RIC3: variants seen among roughly 807,000 people sequenced by gnomAD.
The protein encoded by RIC3 is protein RIC-3.
In RIC3, 28 loss-of-function variants were observed where a neutral mutation model predicts 27.3. That is an observed-to-expected ratio of 1.02 (90% CI 0.76 to 1.41). The LOEUF is 1.41. RIC3 is among the 40% of genes most tolerant of loss of function. RIC3 has a pLI of 0.00. For missense variants in RIC3, 501 were observed against 444.7 expected (o/e 1.13, Z -1.14); for synonymous variants, 184 against 160.4 (o/e 1.15, Z -1.11).
chr11:8,168,733 C>A, intron 1 of RIC3, 133 bp downstream of exon 1: 1 of 1,329,158 alleles, frequency 7.5e-7, no homozygotes, highest in Admixed American at 2.9e-5. Flanking sequence ...AACGCCGTCT[C>A]GCCCGCCCTC....
chr11:8,097,705 C>T, the RIC3 span: 4 of 1,608,242 alleles, frequency 2.5e-6, no homozygotes, highest in African/African-American at 2.7e-5. Flanking sequence ...CCTCATTCCA[C>T]TCCCCAAGGT....
In RIC3 at chr11:8,139,556, T is replaced by A. The variant is rs147324196; in HGVS notation, c.351+411A>T. The A allele has an allele frequency of 1.8e-4, 32 of 173,090 alleles. No homozygotes were observed. In the East Asian group the frequency reaches 5.2e-3, roughly 28 times the overall value. The allele number at this position is 173,090 out of a possible 1,614,324, so 10.7% of individuals were successfully genotyped here. On this transcript the variant is annotated intron_variant, in intron 2 of 5. Transcript: ENST00000309737. Reference sequence around the variant, plus strand: ...CATTATTTGGCCTTACAATGGCTATTTGGAAATCACTGTGCCAATCCCAAT... The same window carrying A: ...CATTATTTGGCCTTACAATGGCTATATGGAAATCACTGTGCCAATCCCAAT...
At chr11:8,101,808 T>A, downstream of RIC3, 1 of 961,676 alleles carries the variant, frequency 1.0e-6, no homozygotes, top group Non-Finnish European at 1.5e-6. Context: ...AGGGGAGTAG[T>A]GGAGAGCGGG....
At chr11:8,097,801 G>C in the RIC3 span, 12 of 1,613,878 alleles carry the variant, frequency 7.4e-6, no homozygotes, top group Non-Finnish European at 1.0e-5. Flanking sequence ...GTCTCGAGGA[G>C]GGGACAGCTA....
At chr11:8,096,593 C>A in the RIC3 span, 1 of 841,424 alleles carries the variant, frequency 1.2e-6, no homozygotes, top group South Asian at 1.4e-5. Context: ...ACAGGTGAGT[C>A]AGTGTCTGAA....
At chr11:8,102,338 C>G (rs925278985), downstream of RIC3, 1 of 152,194 alleles carries the variant, frequency 6.6e-6, no homozygotes, top group African/African-American at 2.4e-5. Context: ...AGGAACCCAG[C>G]TCTCAGGGCT....
In RIC3 at chr11:8,138,350, G is replaced by A; in HGVS notation, c.352-3C>T. Reference sequence around the variant, plus strand: ...GCAGTTGTTTTCCCCTTTGAGAGCTGAGAATTGAAGGAGGTATAGCACATC... The same window carrying A: ...GCAGTTGTTTTCCCCTTTGAGAGCTAAGAATTGAAGGAGGTATAGCACATC... On this transcript the variant is annotated splice_region_variant and splice_polypyrimidine_tract_variant and intron_variant, in intron 2 of 5. Coordinates refer to ENST00000309737, the MANE Select transcript of RIC3 (RefSeq NM_001206671.4). 2 of 1,601,512 alleles carry A rather than the reference G, an allele frequency of 1.2e-6. No individual in the cohort carries two copies. Among genetic ancestry groups the A allele is most frequent in the Non-Finnish European group, 1.7e-6 (2 of 1,168,886 alleles).
chr11:8,093,207 G>C, the RIC3 span, among the ~76,000 whole-genome samples: 1 of 151,982 alleles, frequency 6.6e-6, no homozygotes, highest in Non-Finnish European at 1.5e-5. Flanking sequence ...TGACATCCAA[G>C]CTGAAATCTG....
intron 1 of RIC3, among the ~76,000 whole-genome samples, chr11:8,147,475 G>A (rs1424747321): frequency 1.3e-5 from 2 of 152,174 alleles, no homozygotes; most frequent in African/African-American, 4.8e-5. Flanking sequence ...TGGGTGGAAA[G>A]GAGATTCTCT....
At chr11:8,150,154 C>A (rs952602860) in intron 1 of RIC3, among the ~76,000 whole-genome samples, 2 of 152,182 alleles carry the variant, frequency 1.3e-5, no homozygotes, top group Non-Finnish European at 2.9e-5. Context: ...TTCCTGTTCC[C>A]TTTGCCCATC....
the RIC3 span, among the ~76,000 whole-genome samples, chr11:8,093,481 GA>G: frequency 6.6e-6 from 1 of 152,170 alleles, no homozygotes; most frequent in Admixed American, 6.5e-5. Context: ...GCAGTATGGA[GA>G]ATTTGGAGGC....
the RIC3 span, chr11:8,094,252 G>A: frequency 1.3e-6 from 2 of 1,523,514 alleles, no homozygotes; most frequent in Non-Finnish European, 1.8e-6. Flanking sequence ...GGCTGGGGAA[G>A]GTTTGTCCTC....
chr11:8,109,937 G>A lies in RIC3; in HGVS notation c.*761C>T, dbSNP rs996229342. ...AAAGTCTCTATCTAAAGCTTCCTCT[G>A]TCCACTGAAAACCAGGAGTGCAAAG... On this transcript the variant is annotated 3_prime_UTR_variant, in exon 6 of 6. Coordinates refer to ENST00000309737, the MANE Select transcript of RIC3 (RefSeq NM_001206671.4). 1.3e-5 allele frequency: 2 copies of A among 152,670 alleles called. No homozygotes were observed. Among genetic ancestry groups the A allele is most frequent in the Non-Finnish European group, 2.9e-5 (2 of 68,468 alleles). 9.5% of individuals were successfully genotyped at this position (152,670 alleles called of 1,614,324 possible). A position where few individuals can be genotyped will look rare whatever the true frequency, so the allele number is the denominator to read the frequency against.
the RIC3 span, among the ~76,000 whole-genome samples, chr11:8,094,555 T>G: frequency 6.6e-5 from 10 of 152,214 alleles, no homozygotes; most frequent in Non-Finnish European, 1.3e-4. Context: ...GGCTGACTGC[T>G]TCCCAGGCAG....
intron 1 of RIC3, among the ~76,000 whole-genome samples, chr11:8,158,875 G>C (rs1950922380): frequency 7.3e-6 from 1 of 137,488 alleles, no homozygotes; most frequent in Non-Finnish European, 1.6e-5. Flanking sequence ...TGGGATTACA[G>C]GCATCTGCCA....
At chr11:8,128,956 G>A (rs377504391) in intron 4 of RIC3, among the ~76,000 whole-genome samples, 31 of 151,620 alleles carry the variant, frequency 2.0e-4, no homozygotes, top group East Asian at 1.9e-3. Flanking sequence ...GGGTTTCACC[G>A]TGTTAGCCAG....
intron 1 of RIC3, among the ~76,000 whole-genome samples, chr11:8,154,589 T>C (rs1354241142): frequency 6.6e-6 from 1 of 152,228 alleles, no homozygotes; most frequent in Admixed American, 6.5e-5. Flanking sequence ...TGTTGACATG[T>C]ATAGCTCTAG....
At chr11:8,162,398 C>A (rs1951253907) in intron 1 of RIC3, among the ~76,000 whole-genome samples, 1 of 152,196 alleles carries the variant, frequency 6.6e-6, no homozygotes, top group African/African-American at 2.4e-5. Flanking sequence ...AATCTTCTCC[C>A]TGAAGAAATC....
At chr11:8,133,820 G>T (rs1948032496) in intron 4 of RIC3, among the ~76,000 whole-genome samples, 1 of 152,106 alleles carries the variant, frequency 6.6e-6, no homozygotes, top group South Asian at 2.1e-4. Flanking sequence ...GATAGATGAT[G>T]TACATGGACT....
Sources: allele counts gnomAD v4.1 joint callset (sites outside exome capture counted in the v4.1 genomes callset), GRCh38; gene constraint gnomAD v4.1.1; transcripts MANE v1.5; gene names NCBI Gene and HGNC (gene_info 2026-07-23, HGNC 2026-07-21).